Variants in RAD52 observed in about 807,000 individuals in gnomAD.
RAD52 encodes the protein RAD52 DNA repair protein.
A neutral mutation model predicts 55.5 loss-of-function variants in RAD52; 47 were observed. The observed-to-expected ratio is 0.85, with a 90% CI of 0.67 to 1.08. RAD52 has a LOEUF of 1.08. Among genes scored for constraint, RAD52 ranks in the 50% least tolerant of loss-of-function variants. RAD52 has a pLI of 0.00. For synonymous variants in RAD52, 184 were observed against 198.9 expected (o/e 0.92, Z 0.63); for missense variants, 468 against 522.8 (o/e 0.90, Z 1.02).
chr12:959,492 A>G (rs1407962647), intron 1 of RAD52, among the ~76,000 whole-genome samples: 1 of 152,246 alleles, frequency 6.6e-6, no homozygotes. Flanking sequence ...ATGTTCGACA[A>G]TGACTTTATG....
chr12:957,401 G>A (rs1592469212), intron 1 of RAD52, among the ~76,000 whole-genome samples: 1 of 147,720 alleles, frequency 6.8e-6, no homozygotes, highest in South Asian at 2.2e-4. Context: ...AGGCGGAGGA[G>A]GTTGCAGTGA....
intron 7 of RAD52, among the ~76,000 whole-genome samples, chr12:920,576 A>C (rs1415053707): frequency 6.6e-6 from 1 of 151,978 alleles, no homozygotes; most frequent in African/African-American, 2.4e-5. Flanking sequence ...AAAAAAAAGA[A>C]TGTCAATTCA....
In RAD52 at chr12:923,571, AT is replaced by A. The variant is rs1168949704; in HGVS notation, c.543+1878del. ...CAAGACCTCATCTTTCATAAAATAA[AT>A]TAAAAAAAAAAAAAAAGGAAAGAAA... is the stretch of plus-strand genomic sequence containing the variant. On this transcript the variant is annotated intron_variant, in intron 7 of 11. Transcript: ENST00000358495. Among the ~76,000 whole-genome samples the A allele has an allele frequency of 5.2e-5, 6 of 115,378 alleles. No individual in the cohort carries two copies. The East Asian group carries it at 9.1e-4, about 18-fold the overall frequency. The allele number at this position is 115,378 out of a possible 152,430, so 75.7% of individuals were successfully genotyped here.
intron 3 of RAD52, among the ~76,000 whole-genome samples, 167 bp downstream of exon 3, chr12:931,053 G>A (rs11571409): frequency 0.45 from 67,988 of 151,694 alleles, 15,469 homozygotes; most frequent in East Asian, 0.53. Flanking sequence ...AGGCCCCTTC[G>A]GATGAGAATG....
intron 1 of RAD52, among the ~76,000 whole-genome samples, chr12:958,847 G>A (rs1452880133): frequency 1.3e-5 from 2 of 152,090 alleles, no homozygotes; most frequent in Non-Finnish European, 2.9e-5. Context: ...GAGGTTGGGG[G>A]CATTTTCCTC....
In RAD52 at chr12:919,769, T is replaced by A. The variant is rs1193588714; in HGVS notation, c.544-2949A>T. Among the ~76,000 whole-genome samples, 5 of 101,662 alleles carry A rather than the reference T, an allele frequency of 4.9e-5. 2 individuals carry two copies. Among genetic ancestry groups the A allele is most frequent in the African/African-American group, 2.2e-4 (5 of 23,222 alleles). The allele number at this position is 101,662 out of a possible 152,430, so 66.7% of individuals were successfully genotyped here. Reference sequence around the variant, plus strand: ...CTGTCTAAAAAAAAAAAAAAAAATCTGGGCTCAGCGTGGTGGCTCACGCCT... The same window carrying A: ...CTGTCTAAAAAAAAAAAAAAAAATCAGGGCTCAGCGTGGTGGCTCACGCCT... On this transcript the variant is annotated intron_variant, in intron 7 of 11. Transcript: ENST00000358495.
chr12:982,579 C>T (rs918459462), intron 1 of RAD52, among the ~76,000 whole-genome samples: 4 of 151,006 alleles, frequency 2.6e-5, no homozygotes, highest in Non-Finnish European at 5.9e-5. Flanking sequence ...TAATATGTTC[C>T]TAATTTCCGT....
intron 1 of RAD52, among the ~76,000 whole-genome samples, chr12:964,012 A>G (rs1304536039): frequency 1.3e-5 from 2 of 152,090 alleles, no homozygotes; most frequent in Non-Finnish European, 2.9e-5. Context: ...AGGGAACAGC[A>G]TGGAGCACGT....
intron 7 of RAD52, 35 bp from the exon 8 acceptor site, chr12:916,855 T>C (rs769894566): frequency 1.3e-6 from 2 of 1,582,186 alleles, no homozygotes; most frequent in Non-Finnish European, 1.7e-6. Flanking sequence ...TTCCTTCAAC[T>C]GGCTCTTGCC....
chr12:973,539 G>A (rs1341867135), intron 1 of RAD52, among the ~76,000 whole-genome samples: 2 of 151,472 alleles, frequency 1.3e-5, no homozygotes, highest in East Asian at 1.9e-4. Context: ...GTGCAGTGGT[G>A]TGATCTTGGC....
At chr12:915,932 G>C (rs1956345893) in intron 9 of RAD52, among the ~76,000 whole-genome samples, 1 of 152,142 alleles carries the variant, frequency 6.6e-6, no homozygotes, top group South Asian at 2.1e-4. Flanking sequence ...GGCCAGGCTG[G>C]TCTCAAACTC....
At chr12:922,407 T>G (rs1406360622) in intron 7 of RAD52, among the ~76,000 whole-genome samples, 1 of 152,040 alleles carries the variant, frequency 6.6e-6, no homozygotes, top group Non-Finnish European at 1.5e-5. Flanking sequence ...AAGCAAGATC[T>G]CAAAGAGAGT....
chr12:986,011 T>C (rs1837105358), intron 1 of RAD52, among the ~76,000 whole-genome samples: 1 of 149,454 alleles, frequency 6.7e-6, no homozygotes. Flanking sequence ...CTCAGCTCAC[T>C]GCAACCTCTG....
upstream of RAD52, among the ~76,000 whole-genome samples, chr12:951,527 C>T (rs1278291753): frequency 1.3e-5 from 2 of 152,200 alleles, no homozygotes; most frequent in Non-Finnish European, 2.9e-5. Context: ...CAAATATTTT[C>T]TCTCACTCTG....
At chr12:950,157 G>A (rs1228758380), upstream of RAD52, among the ~76,000 whole-genome samples, 2 of 152,252 alleles carry the variant, frequency 1.3e-5, no homozygotes, top group African/African-American at 4.8e-5. Context: ...GGTGGACCTG[G>A]TGGTTCTCGC....
intron 1 of RAD52, among the ~76,000 whole-genome samples, chr12:982,348 G>C (rs1290034649): frequency 6.6e-6 from 1 of 152,186 alleles, no homozygotes; most frequent in Non-Finnish European, 1.5e-5. Context: ...AAATCTTCAA[G>C]TTTTGTTTTT....
chr12:927,809 T>C (rs1056486893), intron 5 of RAD52, among the ~76,000 whole-genome samples: 4 of 151,500 alleles, frequency 2.6e-5, no homozygotes, highest in Non-Finnish European at 4.4e-5. Flanking sequence ...GAGGTTGCAG[T>C]GAGCCGAGAT....
intron 1 of RAD52, chr12:974,810 C>T (rs537823638): frequency 3.3e-5 from 5 of 152,194 alleles, no homozygotes; most frequent in South Asian, 2.1e-4. Context: ...TTATTATCTC[C>T]GCATTAGATA....
At chr12:962,579 C>T (rs984174850) in intron 1 of RAD52, among the ~76,000 whole-genome samples, 1 of 151,860 alleles carries the variant, frequency 6.6e-6, no homozygotes, top group Non-Finnish European at 1.5e-5. Flanking sequence ...GATCTCCTGA[C>T]CTTGTGATCC....
Sources: allele counts gnomAD v4.1 joint callset (sites outside exome capture counted in the v4.1 genomes callset), GRCh38; gene constraint gnomAD v4.1.1; transcripts MANE v1.5; gene names NCBI Gene and HGNC (gene_info 2026-07-23, HGNC 2026-07-21).